The following STX3 variants were observed in gnomAD, a reference collection of about 807,000 sequenced individuals.
STX3 encodes the protein syntaxin 3, also known as syntaxin-3.
A neutral mutation model predicts 40.2 loss-of-function variants in STX3; 19 were observed. The observed-to-expected ratio is 0.47, with a 90% CI of 0.33 to 0.69. The LOEUF (loss-of-function observed/expected upper bound fraction) is 0.69, where lower values mean the gene tolerates loss of function less well. Among genes scored for constraint, STX3 ranks in the 30% least tolerant of loss-of-function variants. STX3 has a pLI of 0.02. For missense variants in STX3, 364 were observed against 366.7 expected (o/e 0.99, Z 0.06); for synonymous variants, 122 against 132.2 (o/e 0.92, Z 0.53).
intron 1 of STX3, among the ~76,000 whole-genome samples, chr11:59,767,317 C>T (rs1169297664): frequency 1.3e-5 from 2 of 152,116 alleles, no homozygotes; most frequent in East Asian, 1.9e-4. Context: ...GATGGCTGGG[C>T]TTGTGGTTCA....
chr11:59,759,671 C>T (rs572697780), intron 1 of STX3, among the ~76,000 whole-genome samples: 4 of 152,262 alleles, frequency 2.6e-5, no homozygotes, highest in Non-Finnish European at 4.4e-5. Flanking sequence ...TAAGGACACA[C>T]TAATGAAATC....
chr11:59,799,565 A>G (rs1565194574), intron 10 of STX3: 6 of 750,126 alleles, frequency 8.0e-6, no homozygotes, highest in Non-Finnish European at 9.8e-6. Context: ...CTTTATTACC[A>G]ACTCATATAA....
rs567197540 is a variant in STX3, at chr11:59,764,865, A to AAC, written c.31-8334_31-8333dup. 7.9e-3 allele frequency among the ~76,000 whole-genome samples: 1,184 copies of AAC among 150,432 alleles called. 12 individuals are homozygous for AAC. Among genetic ancestry groups the AAC allele is most frequent in the African/African-American group, 0.027 (1,097 of 40,996 alleles). ...TTGAAACCACAAAAGTGCCTGCAAC[A>AAC]ACACACACACACATTATCTATTATT... On this transcript the variant is annotated intron_variant, in intron 1 of 10. Coordinates refer to ENST00000337979, the MANE Select transcript of STX3 (RefSeq NM_004177.5).
chr11:59,782,767 C>T (rs932791267), intron 2 of STX3, among the ~76,000 whole-genome samples: 27 of 151,002 alleles, frequency 1.8e-4, no homozygotes, highest in Non-Finnish European at 3.2e-4. Flanking sequence ...CCGAGGTGGG[C>T]GGATCACTTG....
chr11:59,755,399 TGGGGGCGGA>T lies in STX3; in HGVS notation c.-200_-192del. The T allele has an allele frequency of 2.5e-6, 1 of 400,518 alleles. No homozygotes were observed. The highest frequency in any genetic ancestry group is 4.2e-6 in the Non-Finnish European group (1 of 240,218). 24.8% of individuals were successfully genotyped at this position (400,518 alleles called of 1,614,324 possible). ...CCGGATTTGGAGCGCGAGGCGCCGG[TGGGGGCGGA>T]GGGGGCTGCGCGGCGGAGGCTCCCG... On this transcript the variant is annotated 5_prime_UTR_variant, in exon 1 of 11. Transcript: ENST00000337979.
At position 59,799,236 on chromosome 11, in the gene STX3, T is replaced by TA. The variant is rs11421195; in HGVS notation, c.*31-1610dup. On this transcript the variant is annotated intron_variant, in intron 10 of 10. Coordinates refer to ENST00000337979, the MANE Select transcript of STX3 (RefSeq NM_004177.5). ...CTGAATAAAATATAGCATGCATTGT[T>TA]AAAAAAAAACCTATAAAATACAGAA... Among the ~76,000 whole-genome samples, 1,461 of 151,578 alleles carry TA rather than the reference T, an allele frequency of 9.6e-3. 16 individuals carry two copies. Among genetic ancestry groups the TA allele is most frequent in the Admixed American group, 0.032 (483 of 15,216 alleles).
chr11:59,768,036 G>A (rs1292970968), intron 1 of STX3, among the ~76,000 whole-genome samples: 1 of 152,160 alleles, frequency 6.6e-6, no homozygotes, highest in Non-Finnish European at 1.5e-5. Context: ...TTCTTACTGT[G>A]TGCTCTACAT....
At chr11:59,793,663 G>C (rs1865339315) in intron 8 of STX3, 149 bp downstream of exon 8, 1 of 1,145,300 alleles carries the variant, frequency 8.7e-7, no homozygotes, top group Non-Finnish European at 1.2e-6. Context: ...AATCCCATGG[G>C]AAAGTGTGCA....
In STX3 at chr11:59,802,248, A is replaced by AGCC. The variant is rs1459923740; in HGVS notation, c.*1427_*1429dup. The AGCC allele has an allele frequency of 2.0e-6, 2 of 985,422 alleles. No individual in the cohort carries two copies. Among genetic ancestry groups the AGCC allele is most frequent in the African/African-American group, 3.5e-5 (2 of 57,254 alleles). The allele number at this position is 985,422 out of a possible 1,614,324, so 61.0% of individuals were successfully genotyped here. A position where few individuals can be genotyped will look rare whatever the true frequency, so the allele number is the denominator to read the frequency against. On this transcript the variant is annotated 3_prime_UTR_variant, in exon 11 of 11. Coordinates refer to ENST00000337979, the MANE Select transcript of STX3 (RefSeq NM_004177.5). ...TTCTTATCATGGAAACAGCAGCAGC[A>AGCC]GCCGCTAGGAAATCTTCAAGTGTAG...
chr11:59,771,391 C>T (rs1208690579), intron 1 of STX3, among the ~76,000 whole-genome samples: 1 of 122,876 alleles, frequency 8.1e-6, no homozygotes, highest in South Asian at 2.6e-4. Context: ...ATTTGCCCCC[C>T]GTCCCCCCAC....
intron 6 of STX3, 42 bp from the exon 7 acceptor site, chr11:59,793,057 C>A: frequency 6.3e-7 from 1 of 1,598,138 alleles, no homozygotes; most frequent in Non-Finnish European, 8.5e-7. Context: ...TGGTGTTTCA[C>A]CGTGATCTTA....
intron 10 of STX3, chr11:59,799,873 T>C (rs1486897771): frequency 2.0e-6 from 2 of 985,394 alleles, no homozygotes; most frequent in Non-Finnish European, 2.4e-6. Context: ...CTTTTTTGTA[T>C]GTGAACTTTA....
At chr11:59,791,987 A>G (rs1297723797) in intron 5 of STX3, 120 bp from the exon 6 acceptor site, 2 of 824,116 alleles carry the variant, frequency 2.4e-6, no homozygotes, top group Non-Finnish European at 4.0e-6. Context: ...ACTTGGTTTG[A>G]CACCTGGTTT....
chr11:59,790,732 T>A, intron 5 of STX3, 146 bp downstream of exon 5: 1 of 660,992 alleles, frequency 1.5e-6, no homozygotes, highest in Non-Finnish European at 2.6e-6. Context: ...CAGGTTGAAA[T>A]AGGGGTCAGG....
At chr11:59,800,121 A>G (rs747596267) in intron 10 of STX3, 10 of 985,352 alleles carry the variant, frequency 1.0e-5, no homozygotes, top group Non-Finnish European at 1.2e-5. Context: ...CCTATCTTTA[A>G]CCTGCTAAAT....
rs80183649 is a variant in STX3, at chr11:59,779,627, A to G, written c.114+6333A>G. 7.2e-3 allele frequency among the ~76,000 whole-genome samples: 1,097 copies of G among 152,334 alleles called. 9 individuals carry two copies. The highest frequency in any genetic ancestry group is 0.025 in the African/African-American group (1,051 of 41,582). On this transcript the variant is annotated intron_variant, in intron 2 of 10. Coordinates refer to ENST00000337979, the MANE Select transcript of STX3 (RefSeq NM_004177.5). ...TTATTTATTCAGCAAATGTCTACTG[A>G]GTAACCCACATGCTTGACAGTGATG...
At chr11:59,783,524 C>G (rs1309190445) in intron 2 of STX3, among the ~76,000 whole-genome samples, 1 of 152,128 alleles carries the variant, frequency 6.6e-6, no homozygotes, top group Non-Finnish European at 1.5e-5. Flanking sequence ...AATTTTAGTT[C>G]TTAAATATAT....
intron 1 of STX3, among the ~76,000 whole-genome samples, chr11:59,771,392 G>GGC (rs1863620232): frequency 2.0e-5 from 1 of 49,128 alleles, no homozygotes; most frequent in African/African-American, 1.0e-4. Context: ...TTTGCCCCCC[G>GGC]TCCCCCCACC....
chr11:59,802,616 G>T lies in STX3; in HGVS notation c.*1792G>T, dbSNP rs1865931368. The T allele has an allele frequency of 1.0e-6, 1 of 985,656 alleles. No homozygotes were observed. Among genetic ancestry groups the T allele is most frequent in the Non-Finnish European group, 1.2e-6 (1 of 829,914 alleles). The allele number at this position is 985,656 out of a possible 1,614,324, so 61.1% of individuals were successfully genotyped here. ...TACAGTTTGGAATACAACATGTGAA[G>T]GTTTTTGTTGTTGTTTGTATTTTTT... On this transcript the variant is annotated 3_prime_UTR_variant, in exon 11 of 11. Coordinates refer to ENST00000337979, the MANE Select transcript of STX3 (RefSeq NM_004177.5).
Sources: gnomAD v4.1 joint callset for allele counts (sites outside exome capture counted in the v4.1 genomes callset) on GRCh38, gnomAD v4.1.1 for gene constraint, MANE v1.5 for transcripts, NCBI Gene and HGNC (gene_info 2026-07-23, HGNC 2026-07-21) for gene names.